The following CSMD1 variants were observed in gnomAD, a reference collection of about 807,000 sequenced individuals.
CSMD1 encodes CUB and Sushi multiple domains 1.
CSMD1 carries 213 observed loss-of-function variants against 417.5 expected under a neutral mutation model. That is an observed-to-expected ratio of 0.51 (90% CI 0.46 to 0.57). CSMD1 has a LOEUF of 0.57. Among genes scored for constraint, CSMD1 ranks in the 20% least tolerant of loss-of-function variants. CSMD1 has a pLI of 0.00. For missense variants in CSMD1, 6,923 were observed against 4,529.7 expected (o/e 1.53, Z -15.17); for synonymous variants, 2,862 against 1,736.8 (o/e 1.65, Z -16.11).
chr8:3,915,337 C>T (rs2948654), intron 5 of CSMD1, among the ~76,000 whole-genome samples: 30,939 of 143,280 alleles, frequency 0.22, 3,681 homozygotes, highest in African/African-American at 0.32. Flanking sequence ...ACCCAGGAAG[C>T]GGAAGTTGCA....
intron 1 of CSMD1, among the ~76,000 whole-genome samples, chr8:4,765,132 A>G (rs909684858): frequency 1.3e-5 from 2 of 152,218 alleles, no homozygotes; most frequent in Non-Finnish European, 2.9e-5. Flanking sequence ...TCTCCCTCTG[A>G]TGTTCACACA....
intron 7 of CSMD1, among the ~76,000 whole-genome samples, chr8:3,677,788 C>A (rs1337957796): frequency 6.6e-6 from 1 of 152,126 alleles, no homozygotes; most frequent in Non-Finnish European, 1.5e-5. Flanking sequence ...AGTATATGTG[C>A]AATTTTTTAA....
intron 5 of CSMD1, among the ~76,000 whole-genome samples, chr8:3,857,915 G>C (rs6558825): frequency 0.66 from 101,112 of 152,166 alleles, 35,938 homozygotes; most frequent in African/African-American, 0.91. Flanking sequence ...AATTGACCAG[G>C]CTTTGGCTTC....
In CSMD1 at chr8:4,139,776, T is replaced by C. The variant is rs139453902; in HGVS notation, c.416-107677A>G. Reference sequence around the variant, plus strand: ...AGCAGGGCACAATCACTTAGATGTTTGCACACTGAGCTCAGTGTTCTACAG... The same window carrying C: ...AGCAGGGCACAATCACTTAGATGTTCGCACACTGAGCTCAGTGTTCTACAG... On this transcript the variant is annotated intron_variant, in intron 3 of 69. Transcript: ENST00000635120. Among the ~76,000 whole-genome samples, 551 of 151,184 alleles carry C rather than the reference T, an allele frequency of 3.6e-3. 6 individuals are homozygous for C. The highest frequency in any genetic ancestry group is 5.8e-3 in the Non-Finnish European group (392 of 68,034).
chr8:3,960,392 T>C (rs941387166), intron 5 of CSMD1, among the ~76,000 whole-genome samples: 1 of 152,174 alleles, frequency 6.6e-6, no homozygotes, highest in Non-Finnish European at 1.5e-5. Context: ...CGTGAATGTC[T>C]TCTATGCACC....
chr8:4,970,477 C>G (rs745491821), intron 1 of CSMD1, among the ~76,000 whole-genome samples: 15 of 152,150 alleles, frequency 9.9e-5, no homozygotes, highest in African/African-American at 3.6e-4. Context: ...TTTATGAGCT[C>G]CATTATAACC....
At chr8:3,040,836 T>C (rs750821016) in intron 50 of CSMD1, among the ~76,000 whole-genome samples, 4 of 152,158 alleles carry the variant, frequency 2.6e-5, no homozygotes, top group East Asian at 3.9e-4. Context: ...AATTAATAGA[T>C]GATTTGAATG....
chr8:4,986,003 A>G (rs1325598559), intron 1 of CSMD1, among the ~76,000 whole-genome samples: 2 of 152,174 alleles, frequency 1.3e-5, no homozygotes, highest in African/African-American at 4.8e-5. Flanking sequence ...CTTTTTGTGA[A>G]GTGCCGATCA....
At chr8:4,692,663 G>A (rs1191390346) in intron 1 of CSMD1, among the ~76,000 whole-genome samples, 1 of 152,170 alleles carries the variant, frequency 6.6e-6, no homozygotes, top group African/African-American at 2.4e-5. Flanking sequence ...AACTGTCCTG[G>A]TTTGCCGATG....
intron 69 of CSMD1, among the ~76,000 whole-genome samples, chr8:2,939,209 T>G (rs1415298420): frequency 6.6e-6 from 1 of 152,230 alleles, no homozygotes; most frequent in African/African-American, 2.4e-5. Context: ...ACTGATAAGT[T>G]ATACGGCCTT....
chr8:3,222,472 G>A (rs1055829819), intron 28 of CSMD1, among the ~76,000 whole-genome samples: 2 of 152,108 alleles, frequency 1.3e-5, no homozygotes. Flanking sequence ...AGCACACCAA[G>A]CCAATTTTTA....
intron 2 of CSMD1, among the ~76,000 whole-genome samples, chr8:4,589,601 C>G (rs1799885685): frequency 6.6e-6 from 1 of 152,136 alleles, no homozygotes; most frequent in Admixed American, 6.5e-5. Flanking sequence ...TAATTGCTAA[C>G]TCATTACTCA....
rs564156172 is a variant in CSMD1 at position 3,440,298 on chromosome 8, C to T, written c.1561+28414G>A. On this transcript the variant is annotated intron_variant, in intron 12 of 69. Transcript: ENST00000635120. ...TACATGAACATACTATATCTCTCTACTTATTTTGATCTTTGGTTTCTTTCA... is the reference window on the plus strand; with the variant it reads ...TACATGAACATACTATATCTCTCTATTTATTTTGATCTTTGGTTTCTTTCA... Among the ~76,000 whole-genome samples, 3 of 152,218 alleles carry T rather than the reference C, an allele frequency of 2.0e-5. 1 individual carries two copies. The highest frequency in any genetic ancestry group is 7.2e-5 in the African/African-American group (3 of 41,550).
intron 26 of CSMD1, among the ~76,000 whole-genome samples, chr8:3,283,107 T>A (rs889187838): frequency 6.6e-6 from 1 of 152,166 alleles, no homozygotes; most frequent in Non-Finnish European, 1.5e-5. Context: ...AGTTCACGTG[T>A]GCAGATGTGG....
In CSMD1 at chr8:4,479,885, G is replaced by C. The variant is rs1156614384; in HGVS notation, c.303-59820C>G. The stretch of plus-strand genomic sequence containing the variant: ...GGAGGCTGAGGCAGGAGAATTGCTT[G>C]AACCTGGGAGGCAGAGGTTGCAGTG... On this transcript the variant is annotated intron_variant, in intron 2 of 69. Coordinates refer to ENST00000635120, the MANE Select transcript of CSMD1 (RefSeq NM_033225.6). Among the ~76,000 whole-genome samples, 3 of 151,320 alleles carry C rather than the reference G, an allele frequency of 2.0e-5. No individual in the cohort carries two copies. The East Asian group carries it at 5.8e-4, about 29-fold the overall frequency.
rs551034710 is a variant in CSMD1 at position 3,489,401 on chromosome 8, A to C, written c.1448+4222T>G. ...ACTGTAACCTGTGCCTGCCACCCACAGAACGTCCTGAATTAATGAAATCCC... is the reference window on the plus strand; with the variant it reads ...ACTGTAACCTGTGCCTGCCACCCACCGAACGTCCTGAATTAATGAAATCCC... On this transcript the variant is annotated intron_variant, in intron 11 of 69. Coordinates refer to ENST00000635120, the MANE Select transcript of CSMD1 (RefSeq NM_033225.6). Among the ~76,000 whole-genome samples the C allele has an allele frequency of 1.2e-4, 19 of 152,324 alleles. 1 individual carries two copies. The South Asian group carries it at 3.7e-3, about 30-fold the overall frequency.
intron 4 of CSMD1, 42 bp from the exon 5 acceptor site, chr8:3,998,152 T>A (rs774679497): frequency 2.0e-6 from 3 of 1,517,930 alleles, no homozygotes; most frequent in Non-Finnish European, 2.7e-6. Flanking sequence ...CATTTCAGGA[T>A]GGTTTTCATA....
At chr8:3,484,888 A>C (rs1360370160) in intron 11 of CSMD1, among the ~76,000 whole-genome samples, 1 of 152,220 alleles carries the variant, frequency 6.6e-6, no homozygotes, top group Non-Finnish European at 1.5e-5. Flanking sequence ...TCATTACACA[A>C]CTTTTGGAGC....
chr8:4,143,916 G>C (rs1803952111), intron 3 of CSMD1, among the ~76,000 whole-genome samples: 1 of 151,198 alleles, frequency 6.6e-6, no homozygotes, highest in East Asian at 1.9e-4. Context: ...AGGCTGGGGT[G>C]AATTGGCCCG....
Sources: allele counts gnomAD v4.1 joint callset (sites outside exome capture counted in the v4.1 genomes callset), GRCh38; gene constraint gnomAD v4.1.1; transcripts MANE v1.5; gene names NCBI Gene and HGNC (gene_info 2026-07-23, HGNC 2026-07-21).